The following IMMP2L variants were observed in gnomAD, a reference collection of about 807,000 sequenced individuals.
IMMP2L encodes mitochondrial inner membrane protease subunit 2.
Under a neutral mutation model 19.3 loss-of-function variants are expected in IMMP2L, and 18 were observed. The ratio of observed to expected loss-of-function variants is 0.93; its 90% confidence interval spans 0.64 to 1.38. The LOEUF (loss-of-function observed/expected upper bound fraction) is 1.38, where lower values mean the gene tolerates loss of function less well. Ranked by LOEUF, IMMP2L falls within the 40% of genes most tolerant of loss-of-function variation. The probability of loss-of-function intolerance (pLI) is 0.00; values close to 1 mark genes in which losing one functional copy is unlikely to be tolerated. For synonymous variants in IMMP2L, 76 were observed against 73.0 expected, an observed-to-expected ratio of 1.04 and a Z score of -0.21; for missense variants, 233 against 218.2, an observed-to-expected ratio of 1.07 and a Z score of -0.43.
At chr7:110,910,136 G>C (rs931297614) in intron 4 of IMMP2L, among the ~76,000 whole-genome samples, 18 of 152,112 alleles carry the variant, frequency 1.2e-4, no homozygotes, top group African/African-American at 4.3e-4. Flanking sequence ...ATACAGGAAC[G>C]ATGCATGCTA....
chr7:111,180,859 T>C (rs1341531909), intron 3 of IMMP2L, among the ~76,000 whole-genome samples: 1 of 152,046 alleles, frequency 6.6e-6, no homozygotes, highest in Non-Finnish European at 1.5e-5. Context: ...GTATATTAGG[T>C]TTCTATGCTG....
At chr7:111,404,445 AC>A (rs1390362659) in intron 3 of IMMP2L, among the ~76,000 whole-genome samples, 4 of 152,134 alleles carry the variant, frequency 2.6e-5, no homozygotes, top group Non-Finnish European at 5.9e-5. Context: ...AATTTTGACT[AC>A]CTTCTTCCCA....
chr7:110,746,081 GA>G (rs1029693154), intron 5 of IMMP2L, among the ~76,000 whole-genome samples: 2 of 148,810 alleles, frequency 1.3e-5, no homozygotes, highest in South Asian at 2.1e-4. Flanking sequence ...TGGAAAGAAA[GA>G]AAAAAAAAGC....
intron 3 of IMMP2L, among the ~76,000 whole-genome samples, chr7:111,191,989 C>T (rs1808931611): frequency 6.6e-6 from 1 of 151,962 alleles, no homozygotes; most frequent in South Asian, 2.1e-4. Context: ...GGTTATCAGG[C>T]AGAATCTGGC....
Position 111,177,812 on chromosome 7 carries a change from G to GGGGTTGGCAGCTTTAT in IMMP2L, c.240-214263_240-214248dup, listed in dbSNP as rs1807243882. Among the ~76,000 whole-genome samples, 4 of 152,118 alleles carry GGGGTTGGCAGCTTTAT rather than the reference G, an allele frequency of 2.6e-5. No individual in the cohort carries two copies. The South Asian group carries it at 8.3e-4, about 32-fold the overall frequency. On this transcript the variant is annotated intron_variant, in intron 3 of 5. Transcript: ENST00000405709. ...GAAACATCAGATATGACAGGAAGATGGGGTTGGCAGCTTTATGTCACAAAG... is the reference window on the plus strand; with the variant it reads ...GAAACATCAGATATGACAGGAAGATGGGGTTGGCAGCTTTATGGGTTGGCAGCTTTATGTCACAAAG...
At chr7:110,811,407 T>G (rs928793729) in intron 5 of IMMP2L, among the ~76,000 whole-genome samples, 3 of 152,132 alleles carry the variant, frequency 2.0e-5, no homozygotes, top group Non-Finnish European at 2.9e-5. Flanking sequence ...GTGAGAAATG[T>G]GATAAAGGTT....
intron 3 of IMMP2L, among the ~76,000 whole-genome samples, chr7:111,065,173 T>C (rs1048651479): frequency 2.6e-5 from 4 of 152,248 alleles, no homozygotes; most frequent in African/African-American, 9.6e-5. Context: ...TGTGCATGTA[T>C]ACACTTGTAA....
chr7:111,056,849 G>A (rs1793555987), intron 3 of IMMP2L, among the ~76,000 whole-genome samples: 1 of 152,110 alleles, frequency 6.6e-6, no homozygotes, highest in African/African-American at 2.4e-5. Flanking sequence ...TGAGTAGGCT[G>A]AGGAGGAGGA....
chr7:111,183,570 T>G (rs567102242), intron 3 of IMMP2L, among the ~76,000 whole-genome samples: 2 of 152,220 alleles, frequency 1.3e-5, no homozygotes, highest in East Asian at 3.9e-4. Flanking sequence ...GGGAAATGAC[T>G]GCATATGTAT....
chr7:111,128,225 GAAAT>G (rs570999559), intron 3 of IMMP2L, among the ~76,000 whole-genome samples: 117 of 152,122 alleles, frequency 7.7e-4, no homozygotes, highest in African/African-American at 2.6e-3. Flanking sequence ...AGGAAAAAGA[GAAAT>G]AAATAGGACA....
At chr7:111,437,181 C>T (rs774353572) in intron 3 of IMMP2L, among the ~76,000 whole-genome samples, 2 of 151,752 alleles carry the variant, frequency 1.3e-5, no homozygotes, top group South Asian at 2.1e-4. Flanking sequence ...CACGGTGGCT[C>T]GTGCCTGTAA....
At chr7:111,551,493 G>GAGGT (rs1023199174) in intron 1 of IMMP2L, among the ~76,000 whole-genome samples, 2 of 97,402 alleles carry the variant, frequency 2.1e-5, no homozygotes, top group Non-Finnish European at 4.3e-5. Context: ...ATGACTGTTA[G>GAGGT]AGGTGTGTGT....
intron 1 of IMMP2L, among the ~76,000 whole-genome samples, chr7:111,533,146 G>A (rs1245672615): frequency 6.6e-6 from 1 of 152,140 alleles, no homozygotes. Context: ...TGAGTGGCCT[G>A]GAGATAAAAG....
At chr7:110,786,735 C>T (rs1252431208) in intron 5 of IMMP2L, among the ~76,000 whole-genome samples, 2 of 151,990 alleles carry the variant, frequency 1.3e-5, no homozygotes, top group Admixed American at 1.3e-4. Context: ...TGTTTTCCTG[C>T]CAACTGAGAC....
At chr7:110,992,758 A>C (rs1822614411) in intron 3 of IMMP2L, among the ~76,000 whole-genome samples, 2 of 152,096 alleles carry the variant, frequency 1.3e-5, no homozygotes, top group African/African-American at 4.8e-5. Context: ...AGCCAATATC[A>C]ATACAACTAT....
chr7:110,902,827 G>A lies in IMMP2L; in HGVS notation c.306-16132C>T, dbSNP rs1439518459. 4.6e-5 allele frequency among the ~76,000 whole-genome samples: 4 copies of A among 86,988 alleles called. 1 individual carries two copies. Among genetic ancestry groups the A allele is most frequent in the African/African-American group, 1.6e-4 (3 of 18,390 alleles). 57.1% of individuals were successfully genotyped at this position (86,988 alleles called of 152,430 possible). A position where few individuals can be genotyped will look rare whatever the true frequency, so the allele number is the denominator to read the frequency against. ...GGCGCCTGTAGTCCCAGCTACTTGG[G>A]AGGCTGAGGCAGGAGAATGGCGTGA... is the stretch of plus-strand genomic sequence containing the variant. On this transcript the variant is annotated intron_variant, in intron 4 of 5. Transcript: ENST00000405709.
chr7:111,269,295 AC>A (rs1188283739), intron 3 of IMMP2L, among the ~76,000 whole-genome samples: 1 of 152,228 alleles, frequency 6.6e-6, no homozygotes, highest in Non-Finnish European at 1.5e-5. Context: ...ATGCTAAGAC[AC>A]TATATAAATA....
At chr7:111,558,855 C>T (rs369654811) in intron 1 of IMMP2L, among the ~76,000 whole-genome samples, 1 of 152,114 alleles carries the variant, frequency 6.6e-6, no homozygotes, top group East Asian at 1.9e-4. Flanking sequence ...GTTAACTTTA[C>T]AAACAACAGA....
At chr7:110,706,086 A>T (rs991006787) in intron 5 of IMMP2L, among the ~76,000 whole-genome samples, 2 of 152,052 alleles carry the variant, frequency 1.3e-5, no homozygotes, top group Admixed American at 1.3e-4. Flanking sequence ...ACCCAGTAAT[A>T]GGATTACTGG....
Sources: gnomAD v4.1 joint callset for allele counts (sites outside exome capture counted in the v4.1 genomes callset) on GRCh38, gnomAD v4.1.1 for gene constraint, MANE v1.5 for transcripts, NCBI Gene and HGNC (gene_info 2026-07-23, HGNC 2026-07-21) for gene names.